Variants in DISP1 observed in about 807,000 individuals in gnomAD.
DISP1 encodes the protein protein dispatched homolog 1.
In DISP1, 30 loss-of-function variants were observed where a neutral mutation model predicts 37.3. That is an observed-to-expected ratio of 0.80 (90% CI 0.60 to 1.09). The LOEUF (loss-of-function observed/expected upper bound fraction) is 1.09, where lower values mean the gene tolerates loss of function less well. DISP1 is among the 50% of genes least tolerant of loss of function. DISP1 has a pLI of 0.00. For synonymous variants in DISP1, 634 were observed against 690.2 expected (o/e 0.92, Z 1.28); for missense variants, 1,598 against 1,879.5 (o/e 0.85, Z 2.77).
intron 1 of DISP1, among the ~76,000 whole-genome samples, chr1:222,834,574 G>C (rs1666555786): frequency 6.6e-6 from 1 of 152,116 alleles, no homozygotes; most frequent in South Asian, 2.1e-4. Flanking sequence ...GACAGGTAGG[G>C]CACACTAAGC....
intron 4 of DISP1, among the ~76,000 whole-genome samples, chr1:222,987,925 A>G (rs950811764): frequency 2.0e-5 from 3 of 152,198 alleles, no homozygotes; most frequent in Admixed American, 2.0e-4. Flanking sequence ...CAAATGTGCT[A>G]TTGAGACAGA....
At chr1:222,936,566 A>T (rs1394102020) in intron 2 of DISP1, among the ~76,000 whole-genome samples, 1 of 131,360 alleles carries the variant, frequency 7.6e-6, no homozygotes, top group Non-Finnish European at 1.6e-5. Context: ...TGAGATTTAT[A>T]TATAATATAT....
intron 1 of DISP1, among the ~76,000 whole-genome samples, chr1:222,853,425 A>G (rs1246376396): frequency 6.6e-6 from 1 of 152,188 alleles, no homozygotes; most frequent in African/African-American, 2.4e-5. Context: ...GGAAATATCA[A>G]TGAGACATTT....
chr1:222,894,015 TGAG>T (rs1671092164), intron 1 of DISP1, among the ~76,000 whole-genome samples: 1 of 151,910 alleles, frequency 6.6e-6, no homozygotes, highest in East Asian at 1.9e-4. Flanking sequence ...CCCTACAAGT[TGAG>T]GAGACGTGAA....
intron 1 of DISP1, among the ~76,000 whole-genome samples, chr1:222,927,055 G>A (rs1673126013): frequency 6.6e-6 from 1 of 151,792 alleles, no homozygotes; most frequent in South Asian, 2.1e-4. Context: ...TGGGAGTGTA[G>A]TTGCTGGGTC....
intron 4 of DISP1, among the ~76,000 whole-genome samples, chr1:222,986,229 C>A (rs1395813287): frequency 6.6e-6 from 1 of 151,762 alleles, no homozygotes; most frequent in African/African-American, 2.4e-5. Flanking sequence ...CTGAATTATA[C>A]CATCTGAAAC....
chr1:222,992,891 C>T (rs80009522), intron 7 of DISP1, among the ~76,000 whole-genome samples: 66,285 of 120,186 alleles, frequency 0.55, 17,252 homozygotes, highest in Middle Eastern at 0.65. Flanking sequence ...GACAGAGTTT[C>T]GCTCTTGTTG....
intron 5 of DISP1, 28 bp from the exon 6 acceptor site, chr1:222,991,492 C>T: frequency 2.5e-6 from 4 of 1,613,218 alleles, no homozygotes; most frequent in East Asian, 2.2e-5. Flanking sequence ...ATGAAATATA[C>T]TAATGAGCAC....
intron 3 of DISP1, among the ~76,000 whole-genome samples, chr1:222,953,907 A>C (rs1458279520): frequency 6.6e-6 from 1 of 152,156 alleles, no homozygotes; most frequent in African/African-American, 2.4e-5. Context: ...GTCATCTTTT[A>C]CTTTAATAAT....
intron 1 of DISP1, among the ~76,000 whole-genome samples, chr1:222,926,880 A>C (rs1376665113): frequency 1.3e-5 from 2 of 152,146 alleles, no homozygotes; most frequent in East Asian, 3.9e-4. Flanking sequence ...CAAACACAAG[A>C]GGGTAGTCTT....
At chr1:222,854,743 C>CT (rs11389911) in intron 1 of DISP1, among the ~76,000 whole-genome samples, 1,875 of 142,682 alleles carry the variant, frequency 0.013, 30 homozygotes, top group African/African-American at 0.045. Context: ...CAGTGTTTTG[C>CT]TTTTTTTTTT....
intron 1 of DISP1, among the ~76,000 whole-genome samples, chr1:222,920,300 A>G (rs1324737173): frequency 6.6e-6 from 1 of 152,214 alleles, no homozygotes; most frequent in African/African-American, 2.4e-5. Context: ...AAGAGTTTCT[A>G]TCATAAAAGT....
intron 3 of DISP1, among the ~76,000 whole-genome samples, chr1:222,947,244 A>G (rs35095009): frequency 0.093 from 14,200 of 152,146 alleles, 985 homozygotes; most frequent in Non-Finnish European, 0.13. Context: ...GATACCTCAA[A>G]TAAGTTGAAT....
At position 222,890,187 on chromosome 1, in the gene DISP1, A is replaced by C. The variant is rs1670863343; in HGVS notation, c.-158-38243A>C. The stretch of plus-strand genomic sequence containing the variant: ...ACTGGATATATAATCATTAGTGAGC[A>C]AAACATTTATGGGTTCTTCTATTGG... On this transcript the variant is annotated intron_variant, in intron 1 of 8. Coordinates refer to ENST00000675850, the MANE Select transcript of DISP1 (RefSeq NM_001377229.1). Among the ~76,000 whole-genome samples the C allele has an allele frequency of 2.0e-5, 3 of 152,204 alleles. No homozygotes were observed. In the South Asian group the frequency reaches 6.2e-4, roughly 31 times the overall value.
At chr1:222,985,615 A>G (rs930214449) in intron 4 of DISP1, among the ~76,000 whole-genome samples, 3 of 152,070 alleles carry the variant, frequency 2.0e-5, no homozygotes, top group East Asian at 3.9e-4. Flanking sequence ...GTGCCACTGC[A>G]CTCTAGCCTG....
Position 222,837,555 on chromosome 1 carries a change from A to G in DISP1, c.-159+22477A>G, listed in dbSNP as rs144365920. 8.5e-5 allele frequency among the ~76,000 whole-genome samples: 13 copies of G among 152,236 alleles called. No homozygotes were observed. In the East Asian group the frequency reaches 2.1e-3, roughly 25 times the overall value. On this transcript the variant is annotated intron_variant, in intron 1 of 8. Transcript: ENST00000675850. Reference sequence around the variant, plus strand: ...TTTGTTAAATATTCACTTTCCATCTATTGTGGGTGGGGCACAATGCTAAAT... The same window carrying G: ...TTTGTTAAATATTCACTTTCCATCTGTTGTGGGTGGGGCACAATGCTAAAT...
intron 8 of DISP1, among the ~76,000 whole-genome samples, chr1:222,999,480 A>G (rs761119233): frequency 3.3e-5 from 5 of 151,930 alleles, no homozygotes. Context: ...TCAGTCACAC[A>G]TGACTAAGTT....
At chr1:222,895,734 G>C (rs536023486) in intron 1 of DISP1, among the ~76,000 whole-genome samples, 1 of 152,240 alleles carries the variant, frequency 6.6e-6, no homozygotes, top group East Asian at 1.9e-4. Flanking sequence ...ACATATGATG[G>C]GTTAACTGGA....
At chr1:222,894,004 T>A (rs1389245889) in intron 1 of DISP1, among the ~76,000 whole-genome samples, 2 of 152,008 alleles carry the variant, frequency 1.3e-5, no homozygotes, top group African/African-American at 4.8e-5. Context: ...AGGCAGGTCA[T>A]CCCTACAAGT....
Sources: allele counts gnomAD v4.1 joint callset (sites outside exome capture counted in the v4.1 genomes callset), GRCh38; gene constraint gnomAD v4.1.1; transcripts MANE v1.5; gene names NCBI Gene and HGNC (gene_info 2026-07-23, HGNC 2026-07-21).